Variants in ASB15 observed in about 807,000 individuals in gnomAD.
ASB15 encodes ankyrin repeat and SOCS box protein 15.
A neutral mutation model predicts 58.0 loss-of-function variants in ASB15; 54 were observed. That is an observed-to-expected ratio of 0.93 (90% CI 0.75 to 1.17). The LOEUF (loss-of-function observed/expected upper bound fraction) is 1.17, where lower values mean the gene tolerates loss of function less well. Ranked by LOEUF, ASB15 falls within the 50% of genes most tolerant of loss-of-function variation. ASB15 has a pLI of 0.00. For missense variants in ASB15, 680 were observed against 707.4 expected, an observed-to-expected ratio of 0.96 and a Z score of 0.44; for synonymous variants, 249 against 262.4, an observed-to-expected ratio of 0.95 and a Z score of 0.50.
At chr7:123,627,353 C>A in intron 9 of ASB15, 72 bp downstream of exon 9, 2 of 1,310,072 alleles carry the variant, frequency 1.5e-6, no homozygotes, top group South Asian at 1.5e-5. Flanking sequence ...AATCACAAGT[C>A]TATATGTAAT....
chr7:123,582,155 G>T (rs1799250989), intron 1 of ASB15, among the ~76,000 whole-genome samples: 1 of 151,944 alleles, frequency 6.6e-6, no homozygotes. Flanking sequence ...TGCTCCTGTG[G>T]CTTCTTCTTG....
chr7:123,612,110 G>A (rs1017930192), intron 3 of ASB15, among the ~76,000 whole-genome samples: 4 of 152,158 alleles, frequency 2.6e-5, no homozygotes, highest in Non-Finnish European at 5.9e-5. Context: ...GAAAGGCTCT[G>A]TATCCTATTA....
chr7:123,594,683 A>G (rs1024396335), intron 1 of ASB15, among the ~76,000 whole-genome samples: 12 of 152,076 alleles, frequency 7.9e-5, no homozygotes, highest in Non-Finnish European at 1.5e-4. Context: ...ACCTGCCTGT[A>G]TGAGGTGTCT....
chr7:123,634,624 A>G (rs763018773), intron 11 of ASB15, among the ~76,000 whole-genome samples: 4 of 152,256 alleles, frequency 2.6e-5, no homozygotes, highest in Non-Finnish European at 4.4e-5. Flanking sequence ...AAAAACTGAT[A>G]AAAGAAAGAC....
At chr7:123,581,388 A>G (rs1799230525) in intron 1 of ASB15, among the ~76,000 whole-genome samples, 1 of 151,328 alleles carries the variant, frequency 6.6e-6, no homozygotes, top group Admixed American at 6.6e-5. Flanking sequence ...GAGTGAAAAC[A>G]AAACATGATC....
intron 7 of ASB15, chr7:123,621,423 T>C (rs1216690196): frequency 6.6e-6 from 1 of 152,214 alleles, no homozygotes; most frequent in African/African-American, 2.4e-5. Flanking sequence ...GTGGAACCCA[T>C]GCCAAGTCTT....
At chr7:123,622,115 A>G (rs1344992255) in intron 7 of ASB15, among the ~76,000 whole-genome samples, 1 of 152,222 alleles carries the variant, frequency 6.6e-6, no homozygotes, top group African/African-American at 2.4e-5. Context: ...CCTATCATCT[A>G]TGCAAAATTC....
upstream of ASB15, among the ~76,000 whole-genome samples, chr7:123,597,448 A>G (rs1007215040): frequency 2.0e-5 from 3 of 152,184 alleles, no homozygotes; most frequent in South Asian, 2.1e-4. Flanking sequence ...AAACGTTATC[A>G]TAAGTATCTA....
At chr7:123,633,265 C>T (rs940599889) in intron 11 of ASB15, among the ~76,000 whole-genome samples, 1 of 151,874 alleles carries the variant, frequency 6.6e-6, no homozygotes, top group Admixed American at 6.6e-5. Context: ...ATAGATACAG[C>T]ACAATTATTT....
At chr7:123,598,324 C>A (rs1799765295), upstream of ASB15, among the ~76,000 whole-genome samples, 1 of 152,104 alleles carries the variant, frequency 6.6e-6, no homozygotes, top group Non-Finnish European at 1.5e-5. Flanking sequence ...TGTTATTACA[C>A]AGTAGGAAAC....
intron 1 of ASB15, among the ~76,000 whole-genome samples, chr7:123,580,619 T>C (rs959125073): frequency 6.6e-6 from 1 of 151,966 alleles, no homozygotes; most frequent in African/African-American, 2.4e-5. Context: ...CTTTGTGCAG[T>C]TTGGAAAATT....
At chr7:123,616,331 G>C (rs773513864) in intron 5 of ASB15, 33 bp from the exon 6 acceptor site, 13 of 1,610,248 alleles carry the variant, frequency 8.1e-6, no homozygotes, top group Admixed American at 1.7e-5. Flanking sequence ...TGCAAAAACA[G>C]AGATTAGTCA....
intron 11 of ASB15, among the ~76,000 whole-genome samples, chr7:123,630,737 C>T (rs545553134): frequency 6.6e-6 from 1 of 152,242 alleles, no homozygotes; most frequent in Admixed American, 6.5e-5. Context: ...GAGATGCTTT[C>T]ACTTTCAAAA....
intron 3 of ASB15, among the ~76,000 whole-genome samples, chr7:123,611,427 T>G (rs904055942): frequency 6.6e-6 from 1 of 152,106 alleles, no homozygotes; most frequent in Admixed American, 6.5e-5. Flanking sequence ...CCCGAGTAGC[T>G]GGGACTACAG....
intron 2 of ASB15, 59 bp from the exon 3 acceptor site, chr7:123,608,535 T>C (rs1800265594): frequency 6.6e-6 from 1 of 152,216 alleles, no homozygotes; most frequent in South Asian, 2.1e-4. Flanking sequence ...CAGAAGAACA[T>C]ACTTTGCTGT....
chr7:123,611,972 A>C (rs916796061), intron 3 of ASB15, among the ~76,000 whole-genome samples: 4 of 152,136 alleles, frequency 2.6e-5, no homozygotes, highest in Admixed American at 6.6e-5. Context: ...GTAGGAGAAA[A>C]AAAAAAAACG....
Position 123,628,988 on chromosome 7 carries a change from T to G in ASB15, c.994T>G (p.Phe332Val). ...QCLELLIENGFDVNTLLADHI... is the reference protein window; with the variant it reads ...QCLELLIENGVDVNTLLADHI... Reference sequence around the variant, plus strand: ...TCTAGAACTGCTCATTGAAAATGGTTTTGATGTCAACACTCTACTTGCTGA... The same window carrying G: ...TCTAGAACTGCTCATTGAAAATGGTGTTGATGTCAACACTCTACTTGCTGA... The change falls in exon 10 of 12, where the codon TTT becomes GTT. Residue 332 changes from phenylalanine (F) to valine (V), a missense_variant. Transcript: ENST00000451215. 6.2e-7 allele frequency: 1 copy of G among 1,613,620 alleles called. No homozygotes were observed. Among genetic ancestry groups the G allele is most frequent in the Non-Finnish European group, 8.5e-7 (1 of 1,179,558 alleles).
At chr7:123,601,278 T>G (rs2116406634), upstream of ASB15, among the ~76,000 whole-genome samples, 1 of 152,352 alleles carries the variant, frequency 6.6e-6, no homozygotes, top group East Asian at 1.9e-4. Flanking sequence ...CTACTCATTT[T>G]TTTAGACTAT....
chr7:123,572,936 C>A (rs976678716), intron 1 of ASB15, among the ~76,000 whole-genome samples: 2 of 148,840 alleles, frequency 1.3e-5, no homozygotes, highest in African/African-American at 5.0e-5. Flanking sequence ...TTTTTTTGTC[C>A]CTGCTGGTTT....
Sources: gnomAD v4.1 joint callset for allele counts (sites outside exome capture counted in the v4.1 genomes callset) on GRCh38, gnomAD v4.1.1 for gene constraint, MANE v1.5 for transcripts, NCBI Gene and HGNC (gene_info 2026-07-23, HGNC 2026-07-21) for gene names.